The following CLCN3 variants were observed in gnomAD, a reference collection of about 807,000 sequenced individuals.
CLCN3 encodes the protein Cl-/H+ antiporter 3.
CLCN3 carries 16 observed loss-of-function variants against 83.4 expected under a neutral mutation model. That is an observed-to-expected ratio of 0.19 (90% confidence interval 0.13 to 0.29). CLCN3 has a LOEUF of 0.29. CLCN3 is among the 10% of genes least tolerant of loss of function. The probability of loss-of-function intolerance (pLI) is 1.00; values close to 1 mark genes in which losing one functional copy is unlikely to be tolerated. For synonymous variants in CLCN3, 322 were observed against 346.2 expected (o/e 0.93, Z 0.78); for missense variants, 544 against 1,006.0 (o/e 0.54, Z 6.21).
chr4:169,718,415 A>G (rs1351885804), intron 12 of CLCN3, among the ~76,000 whole-genome samples: 3 of 152,116 alleles, frequency 2.0e-5, no homozygotes, highest in Non-Finnish European at 4.4e-5. Context: ...ATTATTTGTG[A>G]TCATAGCATT....
intron 2 of CLCN3, among the ~76,000 whole-genome samples, chr4:169,665,938 A>C (rs941298024): frequency 2.5e-4 from 38 of 151,382 alleles, no homozygotes; most frequent in African/African-American, 8.2e-4. Context: ...TGTGATATTT[A>C]CTAATAAGCT....
chr4:169,652,646 T>C (rs967942520), intron 2 of CLCN3, among the ~76,000 whole-genome samples: 8 of 152,208 alleles, frequency 5.3e-5, no homozygotes, highest in African/African-American at 1.9e-4. Context: ...TGCACAAATT[T>C]TATTTGTCCT....
intron 2 of CLCN3, among the ~76,000 whole-genome samples, chr4:169,654,101 A>G (rs1040866016): frequency 2.6e-5 from 4 of 152,114 alleles, no homozygotes; most frequent in Admixed American, 2.6e-4. Context: ...GGCTCATTAT[A>G]TATAGGAGGG....
chr4:169,628,347 A>G (rs868370101), intron 1 of CLCN3, among the ~76,000 whole-genome samples: 1 of 152,194 alleles, frequency 6.6e-6, no homozygotes, highest in Non-Finnish European at 1.5e-5. Context: ...TCTGTTATAG[A>G]CCCTGTTAAA....
At chr4:169,672,448 A>G (rs540288197) in intron 2 of CLCN3, among the ~76,000 whole-genome samples, 16 of 150,828 alleles carry the variant, frequency 1.1e-4, no homozygotes, top group African/African-American at 3.7e-4. Flanking sequence ...CCTTTGATAT[A>G]TTATTATAGG....
intron 11 of CLCN3, among the ~76,000 whole-genome samples, chr4:169,707,482 A>T (rs1355374438): frequency 6.6e-6 from 1 of 152,100 alleles, no homozygotes; most frequent in Admixed American, 6.6e-5. Flanking sequence ...TTGTCTTTTG[A>T]TCTGGCATTG....
intron 2 of CLCN3, among the ~76,000 whole-genome samples, chr4:169,639,965 A>G (rs118051294): frequency 0.028 from 4,288 of 152,300 alleles, 217 homozygotes; most frequent in Admixed American, 0.14. Context: ...TTGGCAAGTC[A>G]CATAGCCTGT....
chr4:169,687,432 T>G (rs1382688078), intron 3 of CLCN3, among the ~76,000 whole-genome samples: 1 of 152,090 alleles, frequency 6.6e-6, no homozygotes, highest in Non-Finnish European at 1.5e-5. Flanking sequence ...GAAAAAAAAT[T>G]TTTTAATAAA....
At position 169,697,446 on chromosome 4, in the gene CLCN3, G is replaced by A; in HGVS notation, c.1275G>A (p.Lys425=). ...GACGCAAGTCCACGAAATTTGGAAA[G>A]TATCCCGTTCTGGAAGTCATTATTG... The part of the protein sequence containing the change: ...CRRRKSTKFG[K]YPVLEVIIVA... The change falls in exon 9 of 13, where the codon AAG becomes AAA. Residue 425 remains lysine, a synonymous_variant. Coordinates refer to ENST00000513761, the MANE Select transcript of CLCN3 (RefSeq NM_001829.4). 6.2e-7 allele frequency: 1 copy of A among 1,614,204 alleles called. No homozygotes were observed. Among genetic ancestry groups the A allele is most frequent in the Non-Finnish European group, 8.5e-7 (1 of 1,180,042 alleles).
At chr4:169,640,491 A>C (rs895647069) in intron 2 of CLCN3, among the ~76,000 whole-genome samples, 15 of 152,234 alleles carry the variant, frequency 9.9e-5, no homozygotes, top group Admixed American at 6.5e-4. Flanking sequence ...AATAGAAGTT[A>C]TTCTGTATAA....
At chr4:169,629,818 G>T (rs1362245444) in intron 1 of CLCN3, among the ~76,000 whole-genome samples, 1 of 152,184 alleles carries the variant, frequency 6.6e-6, no homozygotes, top group Non-Finnish European at 1.5e-5. Context: ...TGCTGTAAAA[G>T]AGAGCTATAA....
At chr4:169,708,272 T>C (rs1252419853) in intron 11 of CLCN3, among the ~76,000 whole-genome samples, 1 of 151,920 alleles carries the variant, frequency 6.6e-6, no homozygotes, top group Admixed American at 6.6e-5. Flanking sequence ...CAAATCAAAC[T>C]GGAAACTCTT....
intron 1 of CLCN3, among the ~76,000 whole-genome samples, chr4:169,621,828 A>G (rs936282406): frequency 6.6e-6 from 1 of 152,172 alleles, no homozygotes; most frequent in South Asian, 2.1e-4. Context: ...GTCGGTATGG[A>G]AATAACTGCG....
At chr4:169,628,939 C>G (rs1013865010) in intron 1 of CLCN3, among the ~76,000 whole-genome samples, 21 of 152,178 alleles carry the variant, frequency 1.4e-4, no homozygotes, top group African/African-American at 5.1e-4. Context: ...TGTGGCATAT[C>G]TGTTATCATA....
At chr4:169,676,558 C>A (rs745723930) in intron 2 of CLCN3, among the ~76,000 whole-genome samples, 1 of 151,168 alleles carries the variant, frequency 6.6e-6, no homozygotes, top group Non-Finnish European at 1.5e-5. Context: ...GGTTGAAATG[C>A]AGTGGCACGA....
At chr4:169,660,177 A>G (rs1731003928) in intron 2 of CLCN3, 3 of 1,154,198 alleles carry the variant, frequency 2.6e-6, no homozygotes, top group African/African-American at 1.6e-5. Flanking sequence ...CCAGGCTGCA[A>G]TAATTTCCCT....
At chr4:169,676,624 T>A (rs985915473) in intron 2 of CLCN3, among the ~76,000 whole-genome samples, 1 of 151,522 alleles carries the variant, frequency 6.6e-6, no homozygotes, top group South Asian at 2.1e-4. Flanking sequence ...TAGCTGGGAC[T>A]ACAGACACAT....
At chr4:169,663,708 T>C (rs1352637218) in intron 2 of CLCN3, 2 of 340,514 alleles carry the variant, frequency 5.9e-6, no homozygotes, top group Admixed American at 8.2e-5. Flanking sequence ...TAGGTACTGT[T>C]ATAATCCCCA....
At chr4:169,690,413 G>A in intron 5 of CLCN3, 117 bp from the exon 6 acceptor site, 2 of 1,044,984 alleles carry the variant, frequency 1.9e-6, no homozygotes, top group African/African-American at 3.2e-5. Flanking sequence ...CCCCAGTGCT[G>A]GGATTACAGG....
Sources: gnomAD v4.1 joint callset for allele counts (sites outside exome capture counted in the v4.1 genomes callset) on GRCh38, gnomAD v4.1.1 for gene constraint, MANE v1.5 for transcripts, NCBI Gene and HGNC (gene_info 2026-07-23, HGNC 2026-07-21) for gene names.